The following BCAS3 variants were observed in gnomAD, a reference collection of about 807,000 sequenced individuals.
BCAS3 encodes the protein BCAS4/BCAS3 fusion.
Under a neutral mutation model 116.1 loss-of-function variants are expected in BCAS3, and 53 were observed. The ratio of observed to expected loss-of-function variants is 0.46; its 90% CI spans 0.37 to 0.57. The LOEUF (loss-of-function observed/expected upper bound fraction) is 0.57. Among genes scored for constraint, BCAS3 ranks in the 20% least tolerant of loss-of-function variants. BCAS3 has a pLI of 0.00. For synonymous variants in BCAS3, 391 were observed against 408.2 expected (o/e 0.96, Z 0.51); for missense variants, 917 against 1,165.4 (o/e 0.79, Z 3.10).
intron 13 of BCAS3, among the ~76,000 whole-genome samples, chr17:60,936,089 A>G (rs1055851425): frequency 7.0e-6 from 1 of 142,056 alleles, no homozygotes; most frequent in African/African-American, 2.7e-5. Context: ...ATTCCTACCT[A>G]TGAGTGAGAA....
chr17:61,080,795 G>C (rs1328022249), intron 21 of BCAS3, among the ~76,000 whole-genome samples: 1 of 152,046 alleles, frequency 6.6e-6, no homozygotes, highest in South Asian at 2.1e-4. Context: ...AAAAAAGAAC[G>C]ATTCATCAAG....
chr17:60,948,124 A>G (rs9910380), intron 14 of BCAS3, among the ~76,000 whole-genome samples: 17,898 of 150,972 alleles, frequency 0.12, 3,545 homozygotes, highest in African/African-American at 0.41. Context: ...ATTTTTTTTG[A>G]GTTGGAGTCT....
chr17:60,863,625 G>A (rs569975148), intron 7 of BCAS3, among the ~76,000 whole-genome samples: 1 of 152,100 alleles, frequency 6.6e-6, no homozygotes, highest in South Asian at 2.1e-4. Context: ...ATGGTGGTGC[G>A]CACCTGTAGC....
At position 61,315,428 on chromosome 17, in the gene BCAS3, C is replaced by T. The variant is rs1479292328; in HGVS notation, c.2426-52899C>T. 6.6e-6 allele frequency among the ~76,000 whole-genome samples: 1 copy of T among 152,156 alleles called. No homozygotes were observed. The highest frequency in any genetic ancestry group is 2.4e-5 in the African/African-American group (1 of 41,458). On this transcript the variant is annotated intron_variant, in intron 22 of 23. Coordinates refer to ENST00000407086, the MANE Select transcript of BCAS3 (RefSeq NM_017679.5). The surrounding 1 kb of genome is among the most constrained non-coding windows in gnomAD (Gnocchi z 5.3). ...GCCACCGCGCCCAGCCAACGCACTC[C>T]TGTTCTGAGACACGGGAGGGCATGC...
chr17:61,084,654 C>T lies in BCAS3; in HGVS notation c.2425+90C>T. On this transcript the variant is annotated intron_variant, in intron 22 of 23. Coordinates refer to ENST00000407086, the MANE Select transcript of BCAS3 (RefSeq NM_017679.5). The surrounding 1 kb of genome is among the most constrained non-coding windows in gnomAD (Gnocchi z 5.5). ...CAATGTAGAGGATGACATTTATTTG[C>T]TTTCCTCTCTGTTTTTTTGTTTTGT... 9.2e-7 allele frequency: 1 copy of T among 1,089,390 alleles called. No individual in the cohort carries two copies. Among genetic ancestry groups the T allele is most frequent in the South Asian group, 1.3e-5 (1 of 75,664 alleles). 67.5% of individuals were successfully genotyped at this position (1,089,390 alleles called of 1,614,324 possible).
rs542782280 is a variant in BCAS3 at position 60,906,190 on chromosome 17, T to C, written c.822+3487T>C. ...AAGGAAAACCTTGCTGAGGACTCTCTTACTCTCACTAACTGCCTAAATAAT... is the reference window on the plus strand; with the variant it reads ...AAGGAAAACCTTGCTGAGGACTCTCCTACTCTCACTAACTGCCTAAATAAT... On this transcript the variant is annotated intron_variant, in intron 11 of 23. Coordinates refer to ENST00000407086, the MANE Select transcript of BCAS3 (RefSeq NM_017679.5). Among the ~76,000 whole-genome samples, 85 of 152,350 alleles carry C rather than the reference T, an allele frequency of 5.6e-4. 3 individuals carry two copies. The South Asian group carries it at 0.016, about 29-fold the overall frequency.
chr17:61,241,494 G>A lies in BCAS3; in HGVS notation c.2426-126833G>A, dbSNP rs2047510425. Among the ~76,000 whole-genome samples, 1 of 151,418 alleles carries A rather than the reference G, an allele frequency of 6.6e-6. No homozygotes were observed. The highest frequency in any genetic ancestry group is 1.5e-5 in the Non-Finnish European group (1 of 67,846). On this transcript the variant is annotated intron_variant, in intron 22 of 23. Coordinates refer to ENST00000407086, the MANE Select transcript of BCAS3 (RefSeq NM_017679.5). The surrounding 1 kb of genome is among the most constrained non-coding windows in gnomAD (Gnocchi z 4.6). ...TGGGAGGCCGAGGCAGGCGGATCAC[G>A]AGGTCAGGAGATCAAGACCATCCTC...
Position 61,268,190 on chromosome 17 carries a change from G to A in BCAS3, c.2426-100137G>A, listed in dbSNP as rs543906713. ...CATTCAGTATTTTCTATTAGCTAAG[G>A]ATTGATTGCTTGACTACTCAGACTT... On this transcript the variant is annotated intron_variant, in intron 22 of 23. Transcript: ENST00000407086. Among the ~76,000 whole-genome samples the A allele has an allele frequency of 2.0e-5, 3 of 152,170 alleles. No individual in the cohort carries two copies. The East Asian group carries it at 5.8e-4, about 29-fold the overall frequency.
chr17:60,997,353 C>T (rs1250407667), intron 15 of BCAS3, among the ~76,000 whole-genome samples: 1 of 152,088 alleles, frequency 6.6e-6, no homozygotes, highest in South Asian at 2.1e-4. Flanking sequence ...AGTTCCTGGT[C>T]CCAGTGGATT....
chr17:61,166,766 T>C (rs1244211028), intron 22 of BCAS3, among the ~76,000 whole-genome samples: 2 of 152,136 alleles, frequency 1.3e-5, no homozygotes, highest in Admixed American at 1.3e-4. Flanking sequence ...CAGGCTGGAG[T>C]GTAGTGGCAC....
chr17:61,035,387 A>G (rs911544076), intron 17 of BCAS3, among the ~76,000 whole-genome samples: 1 of 152,086 alleles, frequency 6.6e-6, no homozygotes, highest in African/African-American at 2.4e-5. Context: ...GATCGAGACC[A>G]TCCTGGCCAA....
At chr17:61,288,753 C>T (rs1568761842) in intron 22 of BCAS3, among the ~76,000 whole-genome samples, 2 of 152,224 alleles carry the variant, frequency 1.3e-5, no homozygotes, top group Non-Finnish European at 2.9e-5. Flanking sequence ...TACCACCCCA[C>T]ATGCCAATCC....
chr17:60,869,757 G>T (rs77602889), intron 8 of BCAS3, among the ~76,000 whole-genome samples: 153 of 152,240 alleles, frequency 1.0e-3, no homozygotes, highest in African/African-American at 3.3e-3. Flanking sequence ...GTTATTGAAT[G>T]GGTAGATCCT....
Position 60,840,099 on chromosome 17 carries a change from T to A in BCAS3, c.477-28477T>A, listed in dbSNP as rs1435634413. 2.0e-5 allele frequency among the ~76,000 whole-genome samples: 3 copies of A among 152,048 alleles called. No homozygotes were observed. In the East Asian group the frequency reaches 5.8e-4, roughly 29 times the overall value. ...TGTCCAGGTTAAGAATGGCTATGAT[T>A]CTAAGAAAATACCCAAATGTAAAGA... On this transcript the variant is annotated intron_variant, in intron 7 of 23. Coordinates refer to ENST00000407086, the MANE Select transcript of BCAS3 (RefSeq NM_017679.5).
chr17:61,230,142 T>TACACACACACACACACACAC (rs58423435), intron 22 of BCAS3, among the ~76,000 whole-genome samples: 2 of 149,942 alleles, frequency 1.3e-5, no homozygotes, highest in African/African-American at 4.9e-5. Flanking sequence ...AGTGTGTGTA[T>TACACACACACACACACACAC]ACACACACAC....
chr17:61,078,087 CTGTG>C (rs2072200366), intron 20 of BCAS3, among the ~76,000 whole-genome samples: 1 of 152,086 alleles, frequency 6.6e-6, no homozygotes, highest in Non-Finnish European at 1.5e-5. Context: ...GCATGTGTGT[CTGTG>C]TATGTATATG....
At chr17:61,322,658 C>T (rs2055316109) in intron 22 of BCAS3, among the ~76,000 whole-genome samples, 1 of 152,078 alleles carries the variant, frequency 6.6e-6, no homozygotes, top group African/African-American at 2.4e-5. Context: ...GAGGTTTTTC[C>T]AGCCTCTTGT....
chr17:60,981,302 CAG>C (rs1383894844), intron 14 of BCAS3, among the ~76,000 whole-genome samples: 1 of 150,358 alleles, frequency 6.7e-6, no homozygotes, highest in Non-Finnish European at 1.5e-5. Context: ...TTTCTTGAGA[CAG>C]GGTCTCGCTC....
intron 22 of BCAS3, among the ~76,000 whole-genome samples, chr17:61,289,738 AATG>A (rs1360813406): frequency 3.9e-5 from 6 of 152,210 alleles, no homozygotes; most frequent in African/African-American, 9.7e-5. Context: ...ATAAAAAAAA[AATG>A]ATGATCTTTC....
Sources: allele counts gnomAD v4.1 joint callset (sites outside exome capture counted in the v4.1 genomes callset), GRCh38; gene constraint gnomAD v4.1.1; non-coding constraint Gnocchi (gnomAD v3.1); transcripts MANE v1.5; gene names NCBI Gene and HGNC (gene_info 2026-07-23, HGNC 2026-07-21).